TAFA2: variants seen among roughly 807,000 people sequenced by gnomAD.
The protein encoded by TAFA2 is chemokine-like protein TAFA-2.
In TAFA2, 7 loss-of-function variants were observed where a neutral mutation model predicts 18.8. The ratio of observed to expected loss-of-function variants is 0.37; its 90% CI spans 0.21 to 0.70. The LOEUF is 0.70. TAFA2 is among the 30% of genes least tolerant of loss of function. The pLI is 0.53. For synonymous variants in TAFA2, 60 were observed against 54.2 expected (o/e 1.11, Z -0.47); for missense variants, 122 against 158.1 (o/e 0.77, Z 1.23).
At chr12:61,927,817 A>T (rs918944137) in intron 1 of TAFA2, among the ~76,000 whole-genome samples, 3 of 152,228 alleles carry the variant, frequency 2.0e-5, no homozygotes, top group African/African-American at 7.2e-5. Flanking sequence ...ACAGATATAC[A>T]GACCAATGAA....
chr12:61,756,531 C>A (rs569058432), intron 2 of TAFA2, among the ~76,000 whole-genome samples: 11 of 152,078 alleles, frequency 7.2e-5, no homozygotes, highest in Admixed American at 6.6e-4. Context: ...GAGTGAATAC[C>A]ACACATCAGC....
intron 1 of TAFA2, among the ~76,000 whole-genome samples, chr12:61,869,025 A>T (rs1478884166): frequency 6.6e-6 from 1 of 152,146 alleles, no homozygotes; most frequent in Non-Finnish European, 1.5e-5. Flanking sequence ...TTCAATGGCT[A>T]TGATATTAGA....
At chr12:61,825,281 T>C (rs1206374664) in intron 2 of TAFA2, among the ~76,000 whole-genome samples, 1 of 151,982 alleles carries the variant, frequency 6.6e-6, no homozygotes, top group Admixed American at 6.6e-5. Flanking sequence ...GACCCTAGAA[T>C]AAGCACAGCA....
chr12:61,742,455 C>T (rs903802691), intron 4 of TAFA2, among the ~76,000 whole-genome samples: 3 of 152,064 alleles, frequency 2.0e-5, no homozygotes, highest in Non-Finnish European at 4.4e-5. Flanking sequence ...GCCCTGGATC[C>T]CTGGAACTCT....
intron 4 of TAFA2, among the ~76,000 whole-genome samples, chr12:61,731,862 A>T (rs376399007): frequency 1.3e-5 from 2 of 152,062 alleles, no homozygotes; most frequent in Non-Finnish European, 2.9e-5. Context: ...GAAACAGGTT[A>T]TGTGTTCTAG....
At chr12:62,078,210 C>T (rs1159790960) in intron 1 of TAFA2, among the ~76,000 whole-genome samples, 2 of 152,104 alleles carry the variant, frequency 1.3e-5, no homozygotes, top group Non-Finnish European at 2.9e-5. Context: ...GCTGCCCCCT[C>T]CTAACTTACC....
At chr12:62,201,645 G>A (rs997719044) in intron 1 of TAFA2, among the ~76,000 whole-genome samples, 1 of 152,108 alleles carries the variant, frequency 6.6e-6, no homozygotes, top group Non-Finnish European at 1.5e-5. Context: ...TTTGCCAGTT[G>A]AGGATTTTTG....
In TAFA2 at chr12:61,708,276, A is replaced by G. The variant is rs1471977860; in HGVS notation, c.*2130T>C. ...ATATGTAATTTATGAAAGAGAGTCC[A>G]TTTTATATCCCAATTTTATTCACCT... On this transcript the variant is annotated 3_prime_UTR_variant, in exon 5 of 5. Coordinates refer to ENST00000416284, the MANE Select transcript of TAFA2 (RefSeq NM_178539.5). The G allele has an allele frequency of 2.0e-5, 3 of 152,148 alleles. No homozygotes were observed. The highest frequency in any genetic ancestry group is 4.4e-5 in the Non-Finnish European group (3 of 67,998). 9.4% of individuals were successfully genotyped at this position (152,148 alleles called of 1,614,324 possible).
At chr12:61,999,565 C>G (rs954534136) in intron 1 of TAFA2, among the ~76,000 whole-genome samples, 3 of 152,090 alleles carry the variant, frequency 2.0e-5, no homozygotes, top group Non-Finnish European at 4.4e-5. Flanking sequence ...TGTCATGTGC[C>G]CAGCTCCATG....
At chr12:62,110,418 G>A (rs9668676) in intron 1 of TAFA2, among the ~76,000 whole-genome samples, 34,061 of 151,978 alleles carry the variant, frequency 0.22, 4,188 homozygotes, top group East Asian at 0.37. Flanking sequence ...ATGTTCATCA[G>A]GGATATTGGC....
chr12:61,780,734 C>T (rs1870467612), intron 2 of TAFA2, among the ~76,000 whole-genome samples: 1 of 151,724 alleles, frequency 6.6e-6, no homozygotes, highest in African/African-American at 2.4e-5. Flanking sequence ...AGTACTTTCT[C>T]ACTCGCTCCT....
intron 4 of TAFA2, among the ~76,000 whole-genome samples, chr12:61,735,597 T>C (rs1868291335): frequency 1.3e-5 from 2 of 152,046 alleles, no homozygotes. Flanking sequence ...CTACCATTAT[T>C]GAGTAACTTC....
chr12:61,818,980 G>T (rs146732568), intron 2 of TAFA2, among the ~76,000 whole-genome samples: 393 of 152,182 alleles, frequency 2.6e-3, no homozygotes, highest in African/African-American at 8.6e-3. Flanking sequence ...TTCTTCCATT[G>T]TTGCACATTA....
At chr12:62,179,612 C>G (rs748386639) in intron 1 of TAFA2, among the ~76,000 whole-genome samples, 2 of 152,122 alleles carry the variant, frequency 1.3e-5, no homozygotes, top group Admixed American at 1.3e-4. Context: ...TTTGGCTCCA[C>G]GCATTTTTCT....
At chr12:61,951,513 G>C (rs1878466615) in intron 1 of TAFA2, among the ~76,000 whole-genome samples, 1 of 152,084 alleles carries the variant, frequency 6.6e-6, no homozygotes, top group African/African-American at 2.4e-5. Context: ...ACAGTAATTG[G>C]ATGTAAGATG....
At chr12:62,234,854 G>A in intron 1 of TAFA2, 1 of 1,048,322 alleles carries the variant, frequency 9.5e-7, no homozygotes, top group Non-Finnish European at 1.5e-6. Flanking sequence ...CCTAAAACCA[G>A]CAATGACTGG....
chr12:61,720,759 G>T lies in TAFA2; in HGVS notation c.385-10342C>A, dbSNP rs115500287. ...ATCTTTACTTCTCAATGAAACTTCT[G>T]TCCCTTCCTTAGAATCCGACCAACA... On this transcript the variant is annotated intron_variant, in intron 4 of 4. Transcript: ENST00000416284. 8.8e-3 allele frequency: 3,358 copies of T among 383,180 alleles called. 111 individuals are homozygous for T. Among genetic ancestry groups the T allele is most frequent in the African/African-American group, 0.065 (3,073 of 47,400 alleles). The allele number at this position is 383,180 out of a possible 1,614,324, so 23.7% of individuals were successfully genotyped here.
chr12:62,055,225 T>C (rs1882157494), intron 1 of TAFA2, among the ~76,000 whole-genome samples: 1 of 152,192 alleles, frequency 6.6e-6, no homozygotes, highest in Non-Finnish European at 1.5e-5. Flanking sequence ...CCTTCAGAAC[T>C]GTGAGAAATA....
In TAFA2 at chr12:62,016,276, C is replaced by A. The variant is rs368695134; in HGVS notation, c.-1-148850G>T. Among the ~76,000 whole-genome samples the A allele has an allele frequency of 6.6e-5, 10 of 152,184 alleles. No individual in the cohort carries two copies. The East Asian group carries it at 1.7e-3, about 27-fold the overall frequency. ...TGACAAATGATGTATTATTATGTGA[C>A]CAGTGAGAAACCTCAAGGATGCCGA... On this transcript the variant is annotated intron_variant, in intron 1 of 4. Coordinates refer to ENST00000416284, the MANE Select transcript of TAFA2 (RefSeq NM_178539.5).
Sources: gnomAD v4.1 joint callset for allele counts (sites outside exome capture counted in the v4.1 genomes callset) on GRCh38, gnomAD v4.1.1 for gene constraint, MANE v1.5 for transcripts, NCBI Gene and HGNC (gene_info 2026-07-23, HGNC 2026-07-21) for gene names.